The following TGM3 variants were observed in gnomAD, a reference collection of about 807,000 sequenced individuals.
The protein encoded by TGM3 is protein-glutamine gamma-glutamyltransferase E.
TGM3 carries 52 observed loss-of-function variants against 73.8 expected under a neutral mutation model. The observed-to-expected ratio is 0.70, with a 90% CI of 0.56 to 0.89. The LOEUF is 0.89. TGM3 is among the 40% of genes least tolerant of loss of function. TGM3 has a pLI of 0.00. For missense variants in TGM3, 928 were observed against 909.9 expected (o/e 1.02, Z -0.26); for synonymous variants, 372 against 354.9 (o/e 1.05, Z -0.54).
At chr20:2,309,523 G>A (rs1356832086) in intron 1 of TGM3, 134 bp from the exon 2 acceptor site, 3 of 819,596 alleles carry the variant, frequency 3.7e-6, no homozygotes, top group Non-Finnish European at 5.9e-6. Context: ...GGATTTTAAT[G>A]TGATTCTTTC....
intron 5 of TGM3, among the ~76,000 whole-genome samples, chr20:2,314,447 C>T (rs954696753): frequency 2.0e-5 from 3 of 151,720 alleles, no homozygotes; most frequent in Non-Finnish European, 4.4e-5. Context: ...AATCCCAGGA[C>T]TTTGGGAGGC....
intron 7 of TGM3, 87 bp downstream of exon 7, chr20:2,317,572 AC>A: frequency 6.4e-7 from 1 of 1,569,160 alleles, no homozygotes. Context: ...CCAGGTCCAA[AC>A]AGGTGTTGCA....
chr20:2,326,067 TA>T, intron 8 of TGM3, 115 bp downstream of exon 8: 3 of 1,034,996 alleles, frequency 2.9e-6, no homozygotes, highest in South Asian at 3.0e-5. Flanking sequence ...ATGATGGGAT[TA>T]AAACAAAAAT....
intron 5 of TGM3, among the ~76,000 whole-genome samples, chr20:2,313,858 G>T: frequency 6.6e-6 from 1 of 151,960 alleles, no homozygotes; most frequent in Middle Eastern, 3.4e-3. Context: ...GTGAGACCTC[G>T]TCTCTACAGA....
intron 11 of TGM3, 37 bp downstream of exon 11, chr20:2,335,310 C>T (rs1568634096): frequency 6.8e-6 from 11 of 1,610,422 alleles, no homozygotes; most frequent in Non-Finnish European, 8.5e-6. Flanking sequence ...AGGGGTTCTG[C>T]CCCCAGCCAG....
chr20:2,340,239 C>T (rs984256957), intron 12 of TGM3, among the ~76,000 whole-genome samples, 195 bp from the exon 13 acceptor site: 2 of 152,138 alleles, frequency 1.3e-5, no homozygotes, highest in African/African-American at 2.4e-5. Context: ...TCATGGGACC[C>T]CCCCCTCCTG....
chr20:2,337,049 T>C (rs1041666208), intron 11 of TGM3, among the ~76,000 whole-genome samples: 9 of 152,212 alleles, frequency 5.9e-5, no homozygotes, highest in Admixed American at 5.2e-4. Context: ...TGTGAATCCC[T>C]ACCCAACCGT....
Position 2,332,357 on chromosome 20 carries a change from A to G in TGM3, c.1642+47A>G. ...GGAGATCCACGAATCCGAGGTAGCCAATGGCCTTCTGGGGCTGCAGGGTGT... is the reference window on the plus strand; with the variant it reads ...GGAGATCCACGAATCCGAGGTAGCCGATGGCCTTCTGGGGCTGCAGGGTGT... On this transcript the variant is annotated intron_variant, in intron 10 of 12. Coordinates refer to ENST00000381458, the MANE Select transcript of TGM3 (RefSeq NM_003245.4). The surrounding 1 kb of genome is among the most constrained non-coding windows in gnomAD (Gnocchi z 4.4). 6.6e-7 allele frequency: 1 copy of G among 1,513,206 alleles called. No homozygotes were observed. Among genetic ancestry groups the G allele is most frequent in the Non-Finnish European group, 8.8e-7 (1 of 1,131,180 alleles). 93.7% of individuals were successfully genotyped at this position (1,513,206 alleles called of 1,614,324 possible). A position where few individuals can be genotyped will look rare whatever the true frequency, so the allele number is the denominator to read the frequency against.
chr20:2,321,388 C>T (rs2084262337), intron 7 of TGM3, among the ~76,000 whole-genome samples: 1 of 152,160 alleles, frequency 6.6e-6, no homozygotes, highest in Non-Finnish European at 1.5e-5. Flanking sequence ...ATTATTGGCA[C>T]TCTCTTGGCG....
intron 5 of TGM3, 134 bp downstream of exon 5, chr20:2,313,160 C>T: frequency 7.7e-7 from 1 of 1,291,482 alleles, no homozygotes; most frequent in Non-Finnish European, 1.1e-6. Context: ...TAGAACCATC[C>T]ACATTTTACT....
chr20:2,300,421 C>T lies in TGM3; in HGVS notation c.7+4351C>T, dbSNP rs143028776. Reference sequence around the variant, plus strand: ...CCTCTGGTCTCAGAGATTCTAAACTCTCTCTTAGGAAGAGAAGTCCTTCTG... The same window carrying T: ...CCTCTGGTCTCAGAGATTCTAAACTTTCTCTTAGGAAGAGAAGTCCTTCTG... On this transcript the variant is annotated intron_variant, in intron 1 of 12. Coordinates refer to ENST00000381458, the MANE Select transcript of TGM3 (RefSeq NM_003245.4). Among the ~76,000 whole-genome samples the T allele has an allele frequency of 2.6e-5, 4 of 152,312 alleles. No homozygotes were observed. In the East Asian group the frequency reaches 7.7e-4, roughly 29 times the overall value.
At position 2,334,511 on chromosome 20, in the gene TGM3, CTAT is replaced by C. The variant is rs772070089; in HGVS notation, c.1643-602_1643-600del. The stretch of plus-strand genomic sequence containing the variant: ...GATGCTGTGGCAGTAGAACCCCAGG[CTAT>C]TAGATGACGGGGAGGATCCTAAGCG... On this transcript the variant is annotated intron_variant, in intron 10 of 12. Transcript: ENST00000381458. The surrounding 1 kb of genome is among the most constrained non-coding windows in gnomAD (Gnocchi z 4.0). 2.0e-5 allele frequency among the ~76,000 whole-genome samples: 3 copies of C among 152,314 alleles called. No homozygotes were observed. Among genetic ancestry groups the C allele is most frequent in the Non-Finnish European group, 4.4e-5 (3 of 68,024 alleles).
chr20:2,341,008 G>A lies in TGM3; in HGVS notation c.*427G>A. ...TCTCTCAGGCCACCACAGAGGGCAG[G>A]GGATGGTTAGTCACCTGCCCCAGCA... On this transcript the variant is annotated 3_prime_UTR_variant, in exon 13 of 13. Transcript: ENST00000381458. The A allele has an allele frequency of 2.2e-6, 1 of 455,318 alleles. No homozygotes were observed. The highest frequency in any genetic ancestry group is 2.4e-5 in the Admixed American group (1 of 42,414). The allele number at this position is 455,318 out of a possible 1,614,324, so 28.2% of individuals were successfully genotyped here. A position where few individuals can be genotyped will look rare whatever the true frequency, so the allele number is the denominator to read the frequency against.
At position 2,335,281 on chromosome 20, in the gene TGM3, G is replaced by A. The variant is rs771394705; in HGVS notation, c.1800+8G>A. 11 of 1,613,670 alleles carry A rather than the reference G, an allele frequency of 6.8e-6. No individual in the cohort carries two copies. The highest frequency in any genetic ancestry group is 6.7e-5 in the African/African-American group (5 of 74,912). On this transcript the variant is annotated splice_region_variant and intron_variant, in intron 11 of 12. Coordinates refer to ENST00000381458, the MANE Select transcript of TGM3 (RefSeq NM_003245.4). Reference sequence around the variant, plus strand: ...CCCACCTTGACCCTGGAGGTAATGGGGCTCCCCATCCTGTGGGAAGGGGTT... The same window carrying A: ...CCCACCTTGACCCTGGAGGTAATGGAGCTCCCCATCCTGTGGGAAGGGGTT...
chr20:2,332,023 T>C lies in TGM3; in HGVS notation c.1355T>C (p.Val452Ala), dbSNP rs1568632644. The C allele has an allele frequency of 1.2e-6, 2 of 1,609,840 alleles. No homozygotes were observed. The highest frequency in any genetic ancestry group is 1.7e-5 in the Admixed American group (1 of 59,690). ...YPEGSDQERQ[V>A]FQKALGKLKP... ...ACAGGCTCTGACCAGGAAAGACAAGTGTTCCAAAAGGCTTTGGGGAAACTT... is the reference window on the plus strand; with the variant it reads ...ACAGGCTCTGACCAGGAAAGACAAGCGTTCCAAAAGGCTTTGGGGAAACTT... The change falls in exon 10 of 13, where the codon GTG (valine) becomes GCG (alanine). Residue 452 changes from valine to alanine, a missense_variant. Physicochemically the swap from Val to Ala is moderately conservative, Grantham distance 64. Transcript: ENST00000381458. This position sits in a 1 kb window ranked among gnomAD's most constrained non-coding sequence, Gnocchi z 4.4.
chr20:2,306,999 C>T (rs899249784), intron 1 of TGM3, among the ~76,000 whole-genome samples: 2 of 152,146 alleles, frequency 1.3e-5, no homozygotes, highest in Non-Finnish European at 2.9e-5. Context: ...GTACAGAATG[C>T]TCATTTTCCC....
intron 7 of TGM3, among the ~76,000 whole-genome samples, chr20:2,320,559 C>T (rs1339602157): frequency 1.3e-5 from 2 of 152,178 alleles, no homozygotes; most frequent in African/African-American, 4.8e-5. Context: ...CAGGGGACCT[C>T]AGTGACATTT....
chr20:2,299,048 T>C (rs145346390), intron 1 of TGM3, among the ~76,000 whole-genome samples: 2 of 152,234 alleles, frequency 1.3e-5, no homozygotes, highest in East Asian at 3.9e-4. Context: ...CCTTACAGGA[T>C]AGCTGATGGG....
intron 1 of TGM3, among the ~76,000 whole-genome samples, chr20:2,296,758 A>G (rs45520137): frequency 0.11 from 17,458 of 152,148 alleles, 1,114 homozygotes; most frequent in Middle Eastern, 0.26. Context: ...CCCCCACTCT[A>G]TGCTTACTGT....
Sources: gnomAD v4.1 joint callset for allele counts (sites outside exome capture counted in the v4.1 genomes callset) on GRCh38, gnomAD v4.1.1 for gene constraint, Gnocchi (gnomAD v3.1) non-coding constraint, MANE v1.5 for transcripts, NCBI Gene and HGNC (gene_info 2026-07-23, HGNC 2026-07-21) for gene names.